Variants in PDE11A observed in about 807,000 individuals in gnomAD.
PDE11A encodes the protein phosphodiesterase 11A, also known as dual 3',5'-cyclic-AMP and -GMP phosphodiesterase 11A.
A neutral mutation model predicts 100.5 loss-of-function variants in PDE11A; 100 were observed. The observed-to-expected ratio is 1.00, with a 90% CI of 0.85 to 1.18. The LOEUF (loss-of-function observed/expected upper bound fraction) is 1.18, where lower values mean the gene tolerates loss of function less well. PDE11A is among the 50% of genes most tolerant of loss of function. The probability of loss-of-function intolerance (pLI) is 0.00; values close to 1 mark genes in which losing one functional copy is unlikely to be tolerated. For missense variants in PDE11A, 1,141 were observed against 1,152.6 expected, an observed-to-expected ratio of 0.99 and a Z score of 0.15; for synonymous variants, 381 against 420.8, an observed-to-expected ratio of 0.91 and a Z score of 1.16.
chr2:177,886,177 A>T (rs535976862), intron 4 of PDE11A, among the ~76,000 whole-genome samples: 1 of 152,224 alleles, frequency 6.6e-6, no homozygotes, highest in East Asian at 1.9e-4. Flanking sequence ...AATAACAGTA[A>T]GCAGGGAATA....
At chr2:177,719,047 A>G (rs1574076004) in intron 12 of PDE11A, among the ~76,000 whole-genome samples, 1 of 152,340 alleles carries the variant, frequency 6.6e-6, no homozygotes, top group South Asian at 2.1e-4. Context: ...AGAAGCTGTC[A>G]TAACATTGGT....
intron 2 of PDE11A, among the ~76,000 whole-genome samples, chr2:177,964,822 C>T (rs778355421): frequency 3.3e-5 from 5 of 152,110 alleles, no homozygotes; most frequent in South Asian, 2.1e-4. Flanking sequence ...ACTAGTGCTG[C>T]GATGAACGTG....
chr2:178,091,288 C>A (rs1355679943), intron 2 of PDE11A, among the ~76,000 whole-genome samples: 3 of 152,140 alleles, frequency 2.0e-5, no homozygotes, highest in Admixed American at 2.0e-4. Context: ...CCAGGCTGAT[C>A]TCCAATTCCT....
At chr2:178,100,093 C>T (rs1055152694) in intron 2 of PDE11A, among the ~76,000 whole-genome samples, 5 of 152,030 alleles carry the variant, frequency 3.3e-5, no homozygotes, top group African/African-American at 7.3e-5. Flanking sequence ...GAATGTCAGT[C>T]GCCAGGGGCT....
intron 5 of PDE11A, among the ~76,000 whole-genome samples, chr2:177,867,397 A>C (rs2084048446): frequency 6.6e-6 from 1 of 152,162 alleles, no homozygotes; most frequent in Non-Finnish European, 1.5e-5. Flanking sequence ...GGTACTGGAG[A>C]TCACCTCATG....
chr2:178,036,102 C>A (rs921066878), intron 1 of PDE11A, among the ~76,000 whole-genome samples: 1 of 152,202 alleles, frequency 6.6e-6, no homozygotes, highest in Non-Finnish European at 1.5e-5. Context: ...TTGCAGATGA[C>A]ATGATTGTAT....
intron 9 of PDE11A, among the ~76,000 whole-genome samples, chr2:177,814,514 A>G (rs1458777106): frequency 1.3e-5 from 2 of 152,144 alleles, no homozygotes; most frequent in African/African-American, 4.8e-5. Flanking sequence ...TGAGAGTGGA[A>G]GCGGCAAGAG....
chr2:177,810,710 C>G (rs1388864180), intron 9 of PDE11A, among the ~76,000 whole-genome samples: 20 of 152,116 alleles, frequency 1.3e-4, no homozygotes, highest in Admixed American at 1.3e-3. Context: ...AAGGCCAGGA[C>G]ATTTGTTCTT....
intron 4 of PDE11A, among the ~76,000 whole-genome samples, chr2:177,895,423 G>A (rs1027294285): frequency 1.3e-5 from 2 of 151,950 alleles, no homozygotes; most frequent in African/African-American, 2.4e-5. Context: ...GTATCGTGGT[G>A]GGTGCCTGTT....
At chr2:177,830,986 T>C (rs2083299766) in intron 6 of PDE11A, among the ~76,000 whole-genome samples, 1 of 152,190 alleles carries the variant, frequency 6.6e-6, no homozygotes, top group Non-Finnish European at 1.5e-5. Flanking sequence ...ATATAATCTT[T>C]TGTCATAATT....
chr2:177,684,258 G>A (rs1574041547), intron 15 of PDE11A, among the ~76,000 whole-genome samples: 1 of 152,146 alleles, frequency 6.6e-6, no homozygotes, highest in East Asian at 1.9e-4. Flanking sequence ...CAAATAAATA[G>A]GTAATTCCCT....
At chr2:177,925,878 C>G (rs926249773) in intron 2 of PDE11A, among the ~76,000 whole-genome samples, 1 of 152,206 alleles carries the variant, frequency 6.6e-6, no homozygotes, top group Non-Finnish European at 1.5e-5. Flanking sequence ...CTTCAGGACA[C>G]TCGCTGGAGT....
intron 6 of PDE11A, among the ~76,000 whole-genome samples, chr2:177,826,143 C>T (rs552752046): frequency 3.9e-5 from 6 of 152,190 alleles, no homozygotes; most frequent in Admixed American, 2.0e-4. Flanking sequence ...TATATTTCTG[C>T]GAGTGCTTAG....
At chr2:177,826,024 C>T (rs757450053) in intron 6 of PDE11A, among the ~76,000 whole-genome samples, 5 of 152,114 alleles carry the variant, frequency 3.3e-5, no homozygotes, top group Non-Finnish European at 5.9e-5. Flanking sequence ...CTTTATTGTT[C>T]CACATGGTGC....
Position 177,787,338 on chromosome 2 carries a change from T to C in PDE11A, c.1738-17965A>G, listed in dbSNP as rs904720708. Among the ~76,000 whole-genome samples, 9 of 151,004 alleles carry C rather than the reference T, an allele frequency of 6.0e-5. No homozygotes were observed. In the South Asian group the frequency reaches 6.4e-4, roughly 11 times the overall value. On this transcript the variant is annotated intron_variant, in intron 9 of 19. Transcript: ENST00000286063. ...AAACACTTTACAGACAAGCAAATGC[T>C]GAGAGATTTTGTCACCACCAGGCCT...
At chr2:177,660,123 C>CTT (rs1469332407) in intron 19 of PDE11A, among the ~76,000 whole-genome samples, 2 of 99,014 alleles carry the variant, frequency 2.0e-5, no homozygotes, top group East Asian at 3.5e-4. Flanking sequence ...TTCTTTCTTT[C>CTT]TTTCTTTCAT....
intron 2 of PDE11A, among the ~76,000 whole-genome samples, chr2:177,951,294 G>T (rs1025174566): frequency 2.0e-5 from 3 of 152,170 alleles, no homozygotes; most frequent in African/African-American, 7.2e-5. Flanking sequence ...AGTACATGAG[G>T]CTTTAATAGC....
chr2:177,639,264 TTTGTTG>T (rs1008562037), intron 19 of PDE11A, among the ~76,000 whole-genome samples: 1 of 152,184 alleles, frequency 6.6e-6, no homozygotes, highest in Non-Finnish European at 1.5e-5. Context: ...GTTTTGGGGT[TTTGTTG>T]TTGTTGTTGT....
chr2:177,842,336 T>C (rs1365832840), intron 5 of PDE11A, among the ~76,000 whole-genome samples: 1 of 152,152 alleles, frequency 6.6e-6, no homozygotes, highest in Non-Finnish European at 1.5e-5. Context: ...AAGCTGGGTC[T>C]TTCAGGATGA....
Sources: allele counts gnomAD v4.1 joint callset (sites outside exome capture counted in the v4.1 genomes callset), GRCh38; gene constraint gnomAD v4.1.1; transcripts MANE v1.5; gene names NCBI Gene and HGNC (gene_info 2026-07-23, HGNC 2026-07-21).